Variants in PPFIBP2 observed in about 807,000 individuals in gnomAD.
The protein encoded by PPFIBP2 is liprin-beta-2.
PPFIBP2 carries 118 observed loss-of-function variants against 118.3 expected under a neutral mutation model. The observed-to-expected ratio is 1.00, with a 90% CI of 0.86 to 1.16. The LOEUF (loss-of-function observed/expected upper bound fraction) is 1.16, where lower values mean the gene tolerates loss of function less well. PPFIBP2 is among the 50% of genes most tolerant of loss of function. The pLI is 0.00. For missense variants in PPFIBP2, 1,195 were observed against 1,073.1 expected, an observed-to-expected ratio of 1.11 and a Z score of -1.59; for synonymous variants, 414 against 397.4, an observed-to-expected ratio of 1.04 and a Z score of -0.50.
At position 7,653,380 on chromosome 11, in the gene PPFIBP2, A is replaced by G. The variant is rs945684303; in HGVS notation, c.*162A>G. 3.4e-6 allele frequency: 5 copies of G among 1,482,360 alleles called. No homozygotes were observed. Among genetic ancestry groups the G allele is most frequent in the Admixed American group, 4.4e-5 (2 of 45,604 alleles). 91.8% of individuals were successfully genotyped at this position (1,482,360 alleles called of 1,614,324 possible). A position where few individuals can be genotyped will look rare whatever the true frequency, so the allele number is the denominator to read the frequency against. Reference sequence around the variant, plus strand: ...GTCTCTTTGAACCCTGAGGGTGGCCAGGATCTGGAGCTGCATCTCTAAGGG... The same window carrying G: ...GTCTCTTTGAACCCTGAGGGTGGCCGGGATCTGGAGCTGCATCTCTAAGGG... On this transcript the variant is annotated 3_prime_UTR_variant, in exon 24 of 24. Coordinates refer to ENST00000299492, the MANE Select transcript of PPFIBP2 (RefSeq NM_003621.5).
At chr11:7,577,495 G>C (rs1352544118) in intron 3 of PPFIBP2, 4 of 449,008 alleles carry the variant, frequency 8.9e-6, no homozygotes. Context: ...CTTGAGGGGG[G>C]AGGGGGCAGA....
chr11:7,666,629 C>A, the PPFIBP2 span: 2 of 1,050,724 alleles, frequency 1.9e-6, no homozygotes, highest in African/African-American at 1.6e-5. Context: ...GGTCAGCATA[C>A]TCCTGGCCAA....
intron 1 of PPFIBP2, among the ~76,000 whole-genome samples, chr11:7,538,023 G>A (rs1590157882): frequency 6.6e-6 from 1 of 152,200 alleles, no homozygotes; most frequent in African/African-American, 2.4e-5. Flanking sequence ...AGCAGAAATA[G>A]GTGAGAAGAG....
At chr11:7,640,848 C>T (rs969955417) in intron 15 of PPFIBP2, among the ~76,000 whole-genome samples, 16 of 152,204 alleles carry the variant, frequency 1.1e-4, no homozygotes, top group Non-Finnish European at 5.9e-5. Context: ...GAAACCTCTT[C>T]TCAGTGTCAG....
At chr11:7,574,488 T>C (rs1217624579) in intron 3 of PPFIBP2, among the ~76,000 whole-genome samples, 2 of 152,236 alleles carry the variant, frequency 1.3e-5, no homozygotes, top group Non-Finnish European at 2.9e-5. Context: ...TGGACTGTTC[T>C]GATAATCTGA....
At chr11:7,572,561 C>T (rs1261508601) in intron 3 of PPFIBP2, among the ~76,000 whole-genome samples, 4 of 152,136 alleles carry the variant, frequency 2.6e-5, no homozygotes, top group African/African-American at 9.7e-5. Context: ...GCCCAGGGGC[C>T]GTGGTGGACA....
chr11:7,621,093 A>G, intron 7 of PPFIBP2, 66 bp downstream of exon 7: 1 of 1,293,094 alleles, frequency 7.7e-7, no homozygotes, highest in Non-Finnish European at 1.1e-6. Flanking sequence ...CTGCATTCCA[A>G]CTTGGGGGTT....
chr11:7,548,801 G>A (rs1852618228), intron 1 of PPFIBP2, among the ~76,000 whole-genome samples: 1 of 152,086 alleles, frequency 6.6e-6, no homozygotes, highest in Non-Finnish European at 1.5e-5. Context: ...AATCGTGCTG[G>A]GTAGAGTGGA....
chr11:7,633,278 C>T (rs758154543), intron 12 of PPFIBP2, among the ~76,000 whole-genome samples: 3 of 152,208 alleles, frequency 2.0e-5, no homozygotes, highest in Non-Finnish European at 4.4e-5. Context: ...CCTCTGCCTC[C>T]TGCTCTTAGA....
intron 2 of PPFIBP2, among the ~76,000 whole-genome samples, chr11:7,550,922 C>T (rs7131052): frequency 0.38 from 57,956 of 151,794 alleles, 11,636 homozygotes; most frequent in African/African-American, 0.51. Flanking sequence ...ACTTCAAGTT[C>T]TTCAGCTTTA....
intron 1 of PPFIBP2, among the ~76,000 whole-genome samples, chr11:7,535,881 G>A (rs541953704): frequency 9.9e-5 from 15 of 152,126 alleles, no homozygotes; most frequent in Non-Finnish European, 1.6e-4. Flanking sequence ...CACACGGGAG[G>A]GGAGTAGGGT....
chr11:7,616,556 C>A lies in PPFIBP2; in HGVS notation c.619-4379C>A, dbSNP rs556567982. On this transcript the variant is annotated intron_variant, in intron 6 of 23. Coordinates refer to ENST00000299492, the MANE Select transcript of PPFIBP2 (RefSeq NM_003621.5). The surrounding 1 kb of genome is among the most constrained non-coding windows in gnomAD (Gnocchi z 5.2). The stretch of plus-strand genomic sequence containing the variant: ...TCAGTGAAGTGTTGCAAAAACGTTG[C>A]TTGAGATAATCTTGTAGACAGGATG... Among the ~76,000 whole-genome samples, 2 of 152,216 alleles carry A rather than the reference C, an allele frequency of 1.3e-5. No homozygotes were observed. Among genetic ancestry groups the A allele is most frequent in the South Asian group, 4.1e-4 (2 of 4,824 alleles).
chr11:7,646,891 C>A (rs1853159449), intron 17 of PPFIBP2, among the ~76,000 whole-genome samples: 1 of 151,996 alleles, frequency 6.6e-6, no homozygotes, highest in African/African-American at 2.4e-5. Context: ...GCAAAACTTG[C>A]AATTTTTTGT....
At chr11:7,622,417 C>T (rs149980052) in intron 7 of PPFIBP2, among the ~76,000 whole-genome samples, 148 of 152,274 alleles carry the variant, frequency 9.7e-4, no homozygotes, top group Middle Eastern at 3.4e-3. Flanking sequence ...ATTCAAACAT[C>T]AGGGTCTCTC....
chr11:7,663,836 G>C, the PPFIBP2 span, among the ~76,000 whole-genome samples: 2 of 152,330 alleles, frequency 1.3e-5, no homozygotes. Flanking sequence ...CCAGGTGCGG[G>C]ATATAATCTC....
chr11:7,574,359 C>A (rs1044439526), intron 3 of PPFIBP2, among the ~76,000 whole-genome samples: 3 of 152,086 alleles, frequency 2.0e-5, no homozygotes, highest in Non-Finnish European at 2.9e-5. Flanking sequence ...CTCACAGGAG[C>A]AGTATAATGG....
intron 1 of PPFIBP2, among the ~76,000 whole-genome samples, chr11:7,544,033 G>A (rs1043429667): frequency 1.3e-5 from 2 of 152,178 alleles, no homozygotes; most frequent in South Asian, 2.1e-4. Context: ...CACTGGTAGC[G>A]AAGAGAAGGG....
intron 6 of PPFIBP2, among the ~76,000 whole-genome samples, chr11:7,615,994 A>C (rs1032733993): frequency 3.4e-5 from 5 of 147,654 alleles, no homozygotes; most frequent in Non-Finnish European, 5.9e-5. Flanking sequence ...AGGTCTCTTG[A>C]AAGGAAGTAG....
At chr11:7,624,928 C>G (rs1033533091) in intron 7 of PPFIBP2, among the ~76,000 whole-genome samples, 1 of 152,204 alleles carries the variant, frequency 6.6e-6, no homozygotes, top group African/African-American at 2.4e-5. Context: ...TTGTTTGACT[C>G]CAAAATCCAG....
Sources: allele counts gnomAD v4.1 joint callset (sites outside exome capture counted in the v4.1 genomes callset), GRCh38; gene constraint gnomAD v4.1.1; non-coding constraint Gnocchi (gnomAD v3.1); transcripts MANE v1.5; gene names NCBI Gene and HGNC (gene_info 2026-07-23, HGNC 2026-07-21).